DPP6: variants seen among roughly 807,000 people sequenced by gnomAD.
DPP6 encodes the protein dipeptidyl peptidase like 6.
DPP6 carries 69 observed loss-of-function variants against 122.6 expected under a neutral mutation model. The observed-to-expected ratio is 0.56, with a 90% confidence interval of 0.46 to 0.69. The LOEUF (loss-of-function observed/expected upper bound fraction) is 0.69, where lower values mean the gene tolerates loss of function less well. DPP6 is among the 30% of genes least tolerant of loss of function. The probability of loss-of-function intolerance (pLI) is 0.00; values close to 1 mark genes in which losing one functional copy is unlikely to be tolerated. For synonymous variants in DPP6, 418 were observed against 433.1 expected (o/e 0.97, Z 0.43); for missense variants, 928 against 1,116.9 (o/e 0.83, Z 2.41).
chr7:153,961,987 C>T (rs563589382), intron 1 of DPP6, among the ~76,000 whole-genome samples: 2,729 of 148,296 alleles, frequency 0.018, 76 homozygotes, highest in African/African-American at 0.066. Context: ...TTATATGTCC[C>T]CTCTTGTGGC....
chr7:153,769,916 A>G, the DPP6 span, among the ~76,000 whole-genome samples: 1 of 152,212 alleles, frequency 6.6e-6, no homozygotes, highest in Non-Finnish European at 1.5e-5. Flanking sequence ...GTAGAGGTCA[A>G]GTGTGGGTTG....
At chr7:154,616,693 G>A (rs1435426993) in intron 5 of DPP6, among the ~76,000 whole-genome samples, 1 of 152,094 alleles carries the variant, frequency 6.6e-6, no homozygotes, top group Non-Finnish European at 1.5e-5. Context: ...AGTAAATAGA[G>A]CAAATACAAA....
the DPP6 span, among the ~76,000 whole-genome samples, chr7:153,801,907 T>A: frequency 6.6e-6 from 1 of 152,218 alleles, no homozygotes; most frequent in African/African-American, 2.4e-5. Context: ...ATCTAGCACA[T>A]CACTTTGTTT....
intron 5 of DPP6, among the ~76,000 whole-genome samples, chr7:154,568,723 AC>A (rs1168962144): frequency 6.6e-6 from 1 of 151,952 alleles, no homozygotes; most frequent in Non-Finnish European, 1.5e-5. Context: ...CCTTGAAATA[AC>A]CCTTTCTCAC....
At position 154,462,650 on chromosome 7, in the gene DPP6, A is replaced by T. The variant is rs1403026777; in HGVS notation, c.359-12289A>T. On this transcript the variant is annotated intron_variant, in intron 2 of 25. Coordinates refer to ENST00000377770, the MANE Select transcript of DPP6 (RefSeq NM_130797.4). The stretch of plus-strand genomic sequence containing the variant: ...ATAAATTGAATTACTTTCTTTTTTT[A>T]AATTTTATTATTATTATACTTTAAG... Among the ~76,000 whole-genome samples, 6 of 151,684 alleles carry T rather than the reference A, an allele frequency of 4.0e-5. No individual in the cohort carries two copies. The East Asian group carries it at 1.2e-3, about 29-fold the overall frequency.
intron 1 of DPP6, among the ~76,000 whole-genome samples, chr7:154,399,728 G>A (rs1815404389): frequency 6.6e-6 from 1 of 152,154 alleles, no homozygotes; most frequent in Non-Finnish European, 1.5e-5. Flanking sequence ...TGGATGCATG[G>A]GAGAACGCAG....
the DPP6 span, among the ~76,000 whole-genome samples, chr7:153,841,740 G>A: frequency 5.3e-5 from 8 of 152,318 alleles, no homozygotes; most frequent in South Asian, 6.2e-4. Flanking sequence ...AGAACAGATC[G>A]TTAAGAAAGT....
chr7:154,016,399 AT>A lies in DPP6; in HGVS notation c.51+128679del, dbSNP rs201285127. ...AACATTCAGTTTTTAAAGTAGGTTT[AT>A]TTTTTTTTTTTTTCAGAGAAGCCAA... On this transcript the variant is annotated intron_variant, in intron 1 of 25. Coordinates refer to the DPP6 transcript ENST00000404039. Among the ~76,000 whole-genome samples, 941 of 144,096 alleles carry A rather than the reference AT, an allele frequency of 6.5e-3. 2 individuals carry two copies. The highest frequency in any genetic ancestry group is 0.025 in the Middle Eastern group (7 of 282). The allele number at this position is 144,096 out of a possible 152,430, so 94.5% of individuals were successfully genotyped here.
At chr7:154,240,791 C>T (rs1801541762) in intron 1 of DPP6, among the ~76,000 whole-genome samples, 2 of 152,312 alleles carry the variant, frequency 1.3e-5, no homozygotes, top group East Asian at 3.9e-4. Context: ...GTAATTCCAG[C>T]ATTCTCTCCT....
intron 3 of DPP6, among the ~76,000 whole-genome samples, chr7:154,537,780 GAGAGGAGAGGGA>G (rs1333130717): frequency 6.6e-6 from 1 of 151,710 alleles, no homozygotes; most frequent in African/African-American, 2.4e-5. Context: ...GAGAGGAGAG[GAGAGGAGAGGGA>G]AGAGGAGAGG....
intron 5 of DPP6, 114 bp from the exon 6 acceptor site, chr7:154,637,707 G>C: frequency 9.6e-7 from 1 of 1,044,726 alleles, no homozygotes; most frequent in Admixed American, 2.9e-5. Flanking sequence ...CCAGGTGTTG[G>C]GATTAGCTGC....
intron 1 of DPP6, chr7:154,057,965 A>G (rs1801010311): frequency 6.6e-6 from 1 of 150,818 alleles, no homozygotes; most frequent in Non-Finnish European, 1.5e-5. Context: ...CCCTGCTAGT[A>G]CAAGAAGCAA....
intron 1 of DPP6, among the ~76,000 whole-genome samples, chr7:153,910,290 T>C (rs1396915220): frequency 6.7e-6 from 1 of 148,462 alleles, no homozygotes; most frequent in Non-Finnish European, 1.5e-5. Flanking sequence ...AGTGCAGTGG[T>C]GCAATCTCGG....
chr7:154,222,617 T>C (rs1323067858), intron 1 of DPP6, among the ~76,000 whole-genome samples: 1 of 149,196 alleles, frequency 6.7e-6, no homozygotes, highest in Non-Finnish European at 1.5e-5. Context: ...ATCACACCAT[T>C]GTACTCCAGC....
chr7:154,224,408 G>A (rs1800479508), intron 1 of DPP6, among the ~76,000 whole-genome samples: 1 of 148,828 alleles, frequency 6.7e-6, no homozygotes, highest in Non-Finnish European at 1.5e-5. Context: ...GGAAAAGAGA[G>A]GTATCAAGGA....
At position 154,209,235 on chromosome 7, in the gene DPP6, T is replaced by A. The variant is rs138688185; in HGVS notation, c.243+156172T>A. Among the ~76,000 whole-genome samples, 1,519 of 152,354 alleles carry A rather than the reference T, an allele frequency of 1.0e-2. 27 individuals carry two copies. Among genetic ancestry groups the A allele is most frequent in the African/African-American group, 0.034 (1,432 of 41,582 alleles). Reference sequence around the variant, plus strand: ...TCAGTCGTGAAAAAAACGTGTGTCATTTCAGCCTATTCAGTGCATTCTGCA... The same window carrying A: ...TCAGTCGTGAAAAAAACGTGTGTCAATTCAGCCTATTCAGTGCATTCTGCA... On this transcript the variant is annotated intron_variant, in intron 1 of 25. Transcript: ENST00000377770.
intron 16 of DPP6, among the ~76,000 whole-genome samples, chr7:154,839,644 G>A (rs1429073147): frequency 6.6e-6 from 1 of 152,144 alleles, no homozygotes; most frequent in Non-Finnish European, 1.5e-5. Flanking sequence ...AGAGGAGGGA[G>A]GAGGCAGAGA....
chr7:153,825,612 T>A, the DPP6 span, among the ~76,000 whole-genome samples: 1 of 152,334 alleles, frequency 6.6e-6, no homozygotes, highest in Non-Finnish European at 1.5e-5. Flanking sequence ...CAAGCTGAAG[T>A]GCAGAGGCAT....
the DPP6 span, among the ~76,000 whole-genome samples, chr7:153,881,652 T>A: frequency 1.3e-5 from 2 of 152,154 alleles, no homozygotes; most frequent in Non-Finnish European, 2.9e-5. Context: ...TTCCTGTTTT[T>A]GTAGGACACG....
Sources: gnomAD v4.1 joint callset for allele counts (sites outside exome capture counted in the v4.1 genomes callset) on GRCh38, gnomAD v4.1.1 for gene constraint, MANE v1.5 for transcripts, NCBI Gene and HGNC (gene_info 2026-07-23, HGNC 2026-07-21) for gene names.